The following EXT2 variants were observed in gnomAD, a reference collection of about 807,000 sequenced individuals.
EXT2 encodes the protein exostosin glycosyltransferase 2.
Under a neutral mutation model 81.6 loss-of-function variants are expected in EXT2, and 53 were observed. That is an observed-to-expected ratio of 0.65 (90% CI 0.52 to 0.82). EXT2 has a LOEUF of 0.82. Among genes scored for constraint, EXT2 ranks in the 40% least tolerant of loss-of-function variants. The pLI is 0.00. For missense variants in EXT2, 774 were observed against 910.2 expected (o/e 0.85, Z 1.93); for synonymous variants, 320 against 340.0 (o/e 0.94, Z 0.65).
intron 10 of EXT2, among the ~76,000 whole-genome samples, chr11:44,228,067 A>C (rs1955857522): frequency 6.6e-6 from 1 of 152,218 alleles, no homozygotes; most frequent in Non-Finnish European, 1.5e-5. Flanking sequence ...GTGGTGTGGG[A>C]TAGCCACAAA....
intron 7 of EXT2, among the ~76,000 whole-genome samples, chr11:44,133,971 A>C (rs1210815657): frequency 6.6e-6 from 1 of 152,256 alleles, no homozygotes; most frequent in Non-Finnish European, 1.5e-5. Flanking sequence ...AGTAGCAGCC[A>C]AAAAGTTAAC....
intron 4 of EXT2, among the ~76,000 whole-genome samples, chr11:44,119,169 T>TATATATATATATACACACAC (rs1192115471): frequency 3.2e-5 from 2 of 63,130 alleles, no homozygotes; most frequent in African/African-American, 1.2e-4. Flanking sequence ...TATATATATA[T>TATATATATATATACACACAC]ACACATACAC....
intron 10 of EXT2, 32 bp from the exon 11 acceptor site, chr11:44,232,321 G>T: frequency 6.2e-7 from 1 of 1,612,756 alleles, no homozygotes; most frequent in South Asian, 1.1e-5. Context: ...GTCTGAATTG[G>T]GACTTGATTG....
chr11:44,139,645 G>T (rs866021545), intron 7 of EXT2, among the ~76,000 whole-genome samples: 19 of 152,112 alleles, frequency 1.2e-4, no homozygotes, highest in Middle Eastern at 3.4e-3. Flanking sequence ...TGGAAATCCC[G>T]CTGGAAAGGG....
intron 12 of EXT2, among the ~76,000 whole-genome samples, chr11:44,234,743 G>A (rs1955941453): frequency 6.6e-6 from 1 of 152,132 alleles, no homozygotes; most frequent in Non-Finnish European, 1.5e-5. Context: ...ATTAAAAGCT[G>A]AGAATACACA....
chr11:44,155,315 TC>T (rs1229211236), intron 7 of EXT2, among the ~76,000 whole-genome samples: 2 of 152,026 alleles, frequency 1.3e-5, no homozygotes, highest in African/African-American at 2.4e-5. Flanking sequence ...TCTTCTTCAT[TC>T]CGTGTTATTG....
At chr11:44,096,132 C>A in intron 1 of EXT2, 1 of 951,728 alleles carries the variant, frequency 1.1e-6, no homozygotes, top group Non-Finnish European at 1.6e-6. Context: ...CCTAGCCAAC[C>A]TTCGCCCCCA....
intron 7 of EXT2, among the ~76,000 whole-genome samples, chr11:44,138,360 A>G (rs1469797413): frequency 6.6e-6 from 1 of 152,212 alleles, no homozygotes; most frequent in Non-Finnish European, 1.5e-5. Context: ...ACAAGTGACA[A>G]GTAAGCCCTA....
intron 13 of EXT2, among the ~76,000 whole-genome samples, chr11:44,238,001 A>G (rs1955990210): frequency 6.6e-6 from 1 of 151,550 alleles, no homozygotes; most frequent in South Asian, 2.1e-4. Context: ...AGGCAGGAGA[A>G]TCACTTGAAT....
chr11:44,172,081 G>A (rs974499171), intron 8 of EXT2, among the ~76,000 whole-genome samples: 3 of 152,200 alleles, frequency 2.0e-5, no homozygotes, highest in Non-Finnish European at 4.4e-5. Flanking sequence ...ACTTCTGTAA[G>A]CAACGTAATA....
intron 10 of EXT2, among the ~76,000 whole-genome samples, chr11:44,222,778 A>G (rs745734647): frequency 1.6e-4 from 24 of 152,222 alleles, no homozygotes; most frequent in Admixed American, 9.8e-4. Context: ...AAAATTGACC[A>G]ATGAGACCTC....
chr11:44,235,067 A>G (rs1404673103), intron 12 of EXT2, among the ~76,000 whole-genome samples: 1 of 152,160 alleles, frequency 6.6e-6, no homozygotes, highest in Admixed American at 6.5e-5. Flanking sequence ...TGTATAGGGA[A>G]TAGGAAAAAT....
intron 8 of EXT2, among the ~76,000 whole-genome samples, chr11:44,196,989 T>C (rs564296181): frequency 1.3e-5 from 2 of 152,284 alleles, no homozygotes; most frequent in East Asian, 1.9e-4. Flanking sequence ...CTGTAAGATG[T>C]TGGGGTGCCG....
chr11:44,219,958 A>T (rs935783501), intron 10 of EXT2, among the ~76,000 whole-genome samples: 1 of 152,212 alleles, frequency 6.6e-6, no homozygotes, highest in Non-Finnish European at 1.5e-5. Context: ...TGTGACTCAG[A>T]TCGTTGAGCC....
chr11:44,132,271 G>A (rs1235492828), intron 7 of EXT2, among the ~76,000 whole-genome samples: 1 of 152,220 alleles, frequency 6.6e-6, no homozygotes, highest in Non-Finnish European at 1.5e-5. Flanking sequence ...ACAGAGGACT[G>A]TTGCCCATAG....
At chr11:44,174,144 A>G (rs1040894231) in intron 8 of EXT2, among the ~76,000 whole-genome samples, 6 of 152,130 alleles carry the variant, frequency 3.9e-5, no homozygotes, top group African/African-American at 1.4e-4. Context: ...CTTCATGTGT[A>G]TTTTTCAAGG....
intron 7 of EXT2, chr11:44,144,211 C>A: frequency 6.5e-7 from 1 of 1,549,342 alleles, no homozygotes; most frequent in Non-Finnish European, 8.8e-7. Flanking sequence ...TTTTTGATGA[C>A]ACATCTTGAT....
At position 44,185,253 on chromosome 11, in the gene EXT2, C is replaced by T. The variant is rs561141931; in HGVS notation, c.1306-12576C>T. Among the ~76,000 whole-genome samples the T allele has an allele frequency of 3.6e-4, 55 of 152,332 alleles. 1 individual carries two copies. The highest frequency in any genetic ancestry group is 1.0e-4 in the Non-Finnish European group (7 of 68,022). On this transcript the variant is annotated intron_variant, in intron 8 of 13. Coordinates refer to ENST00000533608, the MANE Select transcript of EXT2 (RefSeq NM_207122.2). ...CCCCTGCAACAAGCTTGGCCCTCTGCGGTGCCACAGTGCCAACTAGCTCCT... is the reference window on the plus strand; with the variant it reads ...CCCCTGCAACAAGCTTGGCCCTCTGTGGTGCCACAGTGCCAACTAGCTCCT...
intron 7 of EXT2, among the ~76,000 whole-genome samples, chr11:44,162,402 T>C (rs4497395): frequency 0.91 from 139,111 of 152,042 alleles, 63,736 homozygotes; most frequent in East Asian, 0.99. Flanking sequence ...ATGGCAAAAC[T>C]GCATCTCTAC....
Sources: gnomAD v4.1 joint callset for allele counts (sites outside exome capture counted in the v4.1 genomes callset) on GRCh38, gnomAD v4.1.1 for gene constraint, MANE v1.5 for transcripts, NCBI Gene and HGNC (gene_info 2026-07-23, HGNC 2026-07-21) for gene names.